Variants in OPCML observed in about 807,000 individuals in gnomAD.
The protein encoded by OPCML is opioid binding protein/cell adhesion molecule like.
OPCML carries 13 observed loss-of-function variants against 37.8 expected under a neutral mutation model. That is an observed-to-expected ratio of 0.34 (90% CI 0.22 to 0.55). The LOEUF (loss-of-function observed/expected upper bound fraction) is 0.55. Among genes scored for constraint, OPCML ranks in the 20% least tolerant of loss-of-function variants. The pLI is 0.91. For synonymous variants in OPCML, 176 were observed against 168.8 expected (o/e 1.04, Z -0.33); for missense variants, 341 against 435.6 (o/e 0.78, Z 1.93).
intron 2 of OPCML, among the ~76,000 whole-genome samples, chr11:132,923,886 C>T (rs1944898191): frequency 6.6e-6 from 1 of 151,388 alleles, no homozygotes; most frequent in Non-Finnish European, 1.5e-5. Flanking sequence ...TCCTCAGCCT[C>T]CCGACTAGCT....
rs183901453 is a variant in OPCML at position 133,307,620 on chromosome 11, C to G, written c.61+224644G>C. 3.9e-5 allele frequency among the ~76,000 whole-genome samples: 6 copies of G among 152,234 alleles called. No homozygotes were observed. The East Asian group carries it at 9.7e-4, about 25-fold the overall frequency. On this transcript the variant is annotated intron_variant, in intron 1 of 7. Coordinates refer to ENST00000524381, the MANE Select transcript of OPCML (RefSeq NM_001012393.5). ...AGCTGTTCTGACCCTCCATATTAGACCCAACCCAGGGAAGGAGACTGGGGC... is the reference window on the plus strand; with the variant it reads ...AGCTGTTCTGACCCTCCATATTAGAGCCAACCCAGGGAAGGAGACTGGGGC...
intron 3 of OPCML, among the ~76,000 whole-genome samples, chr11:132,654,577 C>T (rs1189928312): frequency 6.6e-6 from 1 of 151,390 alleles, no homozygotes; most frequent in East Asian, 1.9e-4. Flanking sequence ...GAACATCATC[C>T]CCAAGAGAAG....
At chr11:133,385,530 A>G (rs1945026530) in intron 1 of OPCML, among the ~76,000 whole-genome samples, 1 of 152,140 alleles carries the variant, frequency 6.6e-6, no homozygotes, top group Non-Finnish European at 1.5e-5. Context: ...TGCTGCAACC[A>G]CAAAATTAGG....
chr11:132,972,904 G>A (rs962467131), intron 1 of OPCML, among the ~76,000 whole-genome samples: 1 of 152,060 alleles, frequency 6.6e-6, no homozygotes, highest in Non-Finnish European at 1.5e-5. Flanking sequence ...TGTTGTTGAT[G>A]GAAAAAAGCA....
intron 1 of OPCML, among the ~76,000 whole-genome samples, chr11:133,373,400 TA>T (rs1205857944): frequency 7.2e-6 from 1 of 139,722 alleles, no homozygotes; most frequent in East Asian, 2.1e-4. Context: ...CTGTCTCTAC[TA>T]AAAAAGTTAA....
chr11:133,409,141 C>T (rs1945591457), intron 1 of OPCML, among the ~76,000 whole-genome samples: 1 of 152,106 alleles, frequency 6.6e-6, no homozygotes, highest in South Asian at 2.1e-4. Context: ...GGCATCTCTC[C>T]CCAGAGGAAC....
chr11:132,740,211 C>A (rs1945392627), intron 2 of OPCML, among the ~76,000 whole-genome samples: 1 of 152,128 alleles, frequency 6.6e-6, no homozygotes, highest in Non-Finnish European at 1.5e-5. Flanking sequence ...GTGAAACTAA[C>A]AATAACGTAT....
intron 4 of OPCML, among the ~76,000 whole-genome samples, chr11:132,468,273 TC>T (rs1430200196): frequency 6.6e-6 from 1 of 152,206 alleles, no homozygotes; most frequent in East Asian, 1.9e-4. Context: ...AGTACACCTC[TC>T]CTTCCCTCTG....
At chr11:133,299,012 C>T (rs1170200131) in intron 1 of OPCML, 1 of 152,050 alleles carries the variant, frequency 6.6e-6, no homozygotes, top group Non-Finnish European at 1.5e-5. Context: ...TGAAAGGGGA[C>T]TTGGTGTAGT....
intron 1 of OPCML, among the ~76,000 whole-genome samples, chr11:133,043,114 C>G (rs566070682): frequency 6.6e-6 from 1 of 152,232 alleles, no homozygotes; most frequent in East Asian, 1.9e-4. Flanking sequence ...CTCAAGCAAA[C>G]CACACATGGA....
intron 1 of OPCML, among the ~76,000 whole-genome samples, chr11:133,405,230 C>G (rs1396616528): frequency 6.6e-6 from 1 of 152,202 alleles, no homozygotes; most frequent in Non-Finnish European, 1.5e-5. Context: ...GGGCGTTGAG[C>G]AGAAGCTCAC....
intron 1 of OPCML, among the ~76,000 whole-genome samples, chr11:133,380,582 T>C (rs187434994): frequency 6.6e-6 from 1 of 152,346 alleles, no homozygotes; most frequent in East Asian, 1.9e-4. Flanking sequence ...TCTTAAATGA[T>C]GCCATCAGTA....
At chr11:133,052,118 A>G (rs1279584983) in intron 1 of OPCML, among the ~76,000 whole-genome samples, 2 of 152,230 alleles carry the variant, frequency 1.3e-5, no homozygotes, top group Non-Finnish European at 2.9e-5. Flanking sequence ...TTTGATTAAA[A>G]TACACCAAAA....
chr11:132,739,573 CT>C (rs1335476776), intron 2 of OPCML, among the ~76,000 whole-genome samples: 2 of 152,138 alleles, frequency 1.3e-5, no homozygotes, highest in African/African-American at 4.8e-5. Flanking sequence ...TAATACCAAC[CT>C]AATAATTATC....
At chr11:132,490,880 G>T (rs144693932) in intron 4 of OPCML, among the ~76,000 whole-genome samples, 1 of 150,938 alleles carries the variant, frequency 6.6e-6, no homozygotes, top group Non-Finnish European at 1.5e-5. Flanking sequence ...GATGTTTCAC[G>T]TTTGTCCTGT....
At chr11:133,500,947 AC>A (rs1565670615) in intron 1 of OPCML, among the ~76,000 whole-genome samples, 1 of 151,886 alleles carries the variant, frequency 6.6e-6, no homozygotes. Context: ...AGTGCACAGT[AC>A]AGGGCTCCTG....
chr11:132,755,082 A>G (rs1945990407), intron 2 of OPCML, among the ~76,000 whole-genome samples: 1 of 152,234 alleles, frequency 6.6e-6, no homozygotes, highest in African/African-American at 2.4e-5. Context: ...AAATCAGTGT[A>G]AGATTGAACC....
intron 7 of OPCML, among the ~76,000 whole-genome samples, chr11:132,435,760 A>G (rs545881839): frequency 6.6e-6 from 1 of 152,352 alleles, no homozygotes; most frequent in Non-Finnish European, 1.5e-5. Flanking sequence ...CTCCAACTAC[A>G]GAAGGCATCT....
chr11:132,693,014 T>A (rs1044637987), intron 2 of OPCML, among the ~76,000 whole-genome samples: 16 of 152,340 alleles, frequency 1.1e-4, no homozygotes, highest in Non-Finnish European at 2.1e-4. Flanking sequence ...ATAGAAAATG[T>A]GTGACTTACA....
Sources: allele counts gnomAD v4.1 joint callset (sites outside exome capture counted in the v4.1 genomes callset), GRCh38; gene constraint gnomAD v4.1.1; transcripts MANE v1.5; gene names NCBI Gene and HGNC (gene_info 2026-07-23, HGNC 2026-07-21).